STXBP5: variants seen among roughly 807,000 people sequenced by gnomAD.
The protein encoded by STXBP5 is syntaxin binding protein 5.
In STXBP5, 50 loss-of-function variants were observed where a neutral mutation model predicts 152.4. The ratio of observed to expected loss-of-function variants is 0.33; its 90% CI spans 0.26 to 0.42. The LOEUF (loss-of-function observed/expected upper bound fraction) is 0.42, where lower values mean the gene tolerates loss of function less well. Among genes scored for constraint, STXBP5 ranks in the 10% least tolerant of loss-of-function variants. The pLI is 1.00. For synonymous variants in STXBP5, 492 were observed against 494.7 expected, an observed-to-expected ratio of 0.99 and a Z score of 0.07; for missense variants, 1,167 against 1,388.6, an observed-to-expected ratio of 0.84 and a Z score of 2.54.
intron 16 of STXBP5, among the ~76,000 whole-genome samples, chr6:147,317,923 A>G (rs1782723942): frequency 2.0e-5 from 3 of 152,136 alleles, no homozygotes; most frequent in Admixed American, 2.0e-4. Context: ...TGACATACGT[A>G]GTACAATTTG....
intron 25 of STXBP5, among the ~76,000 whole-genome samples, chr6:147,371,376 A>G (rs991115238): frequency 6.6e-6 from 1 of 152,134 alleles, no homozygotes; most frequent in Non-Finnish European, 1.5e-5. Flanking sequence ...ATGTCTGTTC[A>G]TAATGTTAAC....
chr6:147,233,990 G>C (rs1778146669), intron 2 of STXBP5, among the ~76,000 whole-genome samples: 1 of 151,130 alleles, frequency 6.6e-6, no homozygotes, highest in Non-Finnish European at 1.5e-5. Context: ...TTAATTGCTA[G>C]TAATAAATGG....
At chr6:147,308,929 G>A (rs914003222) in intron 9 of STXBP5, among the ~76,000 whole-genome samples, 1 of 152,096 alleles carries the variant, frequency 6.6e-6, no homozygotes, top group Non-Finnish European at 1.5e-5. Flanking sequence ...CTCTTACTAA[G>A]GATGTGCTGA....
chr6:147,233,740 C>G (rs962170982), intron 2 of STXBP5, among the ~76,000 whole-genome samples: 2 of 151,442 alleles, frequency 1.3e-5, no homozygotes, highest in African/African-American at 2.4e-5. Context: ...TGGCCTATCA[C>G]GGTGTGATTT....
At chr6:147,313,836 G>T in intron 11 of STXBP5, 48 bp from the exon 12 acceptor site, 1 of 1,245,532 alleles carries the variant, frequency 8.0e-7, no homozygotes, top group East Asian at 2.6e-5. Flanking sequence ...TAATCATATG[G>T]TATAATTCAT....
chr6:147,286,175 T>G (rs778488896), intron 8 of STXBP5, among the ~76,000 whole-genome samples: 16 of 152,326 alleles, frequency 1.1e-4, no homozygotes, highest in Non-Finnish European at 2.1e-4. Context: ...CTCTCCCACC[T>G]CAACAATCCT....
chr6:147,301,056 G>A (rs1018033685), intron 9 of STXBP5, among the ~76,000 whole-genome samples: 9 of 151,614 alleles, frequency 5.9e-5, no homozygotes, highest in African/African-American at 1.4e-4. Context: ...AGAAATGTTC[G>A]ACATCACTAA....
Position 147,388,399 on chromosome 6 carries a change from A to T in STXBP5, c.*3644A>T, listed in dbSNP as rs1353004914. 1 of 151,712 alleles carries T rather than the reference A, an allele frequency of 6.6e-6. No homozygotes were observed. The highest frequency in any genetic ancestry group is 2.4e-5 in the African/African-American group (1 of 41,418). 9.4% of individuals were successfully genotyped at this position (151,712 alleles called of 1,614,324 possible). On this transcript the variant is annotated 3_prime_UTR_variant, in exon 28 of 28. Coordinates refer to ENST00000321680, the MANE Select transcript of STXBP5 (RefSeq NM_001127715.4). ...TTTCAGATTTGTTTTAAGATCATAC[A>T]GTAACATGTTATATTTATACATACT...
At chr6:147,217,823 T>C (rs751947832) in intron 2 of STXBP5, among the ~76,000 whole-genome samples, 4 of 152,198 alleles carry the variant, frequency 2.6e-5, no homozygotes, top group Non-Finnish European at 5.9e-5. Context: ...ATTTGTAAAA[T>C]GTTACAGTTG....
chr6:147,354,976 G>A (rs1227354418), intron 22 of STXBP5, among the ~76,000 whole-genome samples: 1 of 152,132 alleles, frequency 6.6e-6, no homozygotes, highest in Non-Finnish European at 1.5e-5. Flanking sequence ...ATATTGATAG[G>A]TTCAAACTGC....
chr6:147,367,726 AAG>A (rs1785358360), intron 25 of STXBP5, among the ~76,000 whole-genome samples: 1 of 152,112 alleles, frequency 6.6e-6, no homozygotes, highest in Admixed American at 6.5e-5. Context: ...GTGGAAAACA[AAG>A]AAACAATAGA....
intron 6 of STXBP5, among the ~76,000 whole-genome samples, chr6:147,262,891 A>G: frequency 6.6e-6 from 1 of 151,926 alleles, no homozygotes; most frequent in East Asian, 1.9e-4. Flanking sequence ...GATTATTTAA[A>G]TCTTTTAAAA....
At chr6:147,380,209 C>CAA (rs1409411131) in intron 26 of STXBP5, among the ~76,000 whole-genome samples, 29 of 140,468 alleles carry the variant, frequency 2.1e-4, no homozygotes, top group Non-Finnish European at 4.1e-4. Context: ...CACACACACA[C>CAA]AAATATTGAA....
At chr6:147,264,629 C>T (rs1478436285) in intron 6 of STXBP5, among the ~76,000 whole-genome samples, 1 of 151,984 alleles carries the variant, frequency 6.6e-6, no homozygotes, top group African/African-American at 2.4e-5. Flanking sequence ...CACACTAATG[C>T]TTTTTCAAAG....
chr6:147,217,382 T>TA (rs777767184), intron 2 of STXBP5, among the ~76,000 whole-genome samples: 5 of 152,228 alleles, frequency 3.3e-5, no homozygotes, highest in Non-Finnish European at 7.3e-5. Context: ...TGTTTTTACT[T>TA]ATATGTGAGA....
At chr6:147,269,626 G>A (rs1780058744) in intron 7 of STXBP5, among the ~76,000 whole-genome samples, 1 of 152,084 alleles carries the variant, frequency 6.6e-6, no homozygotes, top group African/African-American at 2.4e-5. Flanking sequence ...GCTTAAGAAG[G>A]TAGATGAAAG....
intron 3 of STXBP5, among the ~76,000 whole-genome samples, chr6:147,237,953 A>G (rs757938119): frequency 1.3e-5 from 2 of 152,158 alleles, no homozygotes; most frequent in Non-Finnish European, 2.9e-5. Context: ...TTGAGGAAAA[A>G]CATTCAGATG....
intron 4 of STXBP5, among the ~76,000 whole-genome samples, chr6:147,252,841 C>T (rs1429830683): frequency 6.6e-6 from 1 of 152,128 alleles, no homozygotes; most frequent in Admixed American, 6.5e-5. Context: ...AAAGAAAGCC[C>T]AGGACCAAAC....
intron 6 of STXBP5, among the ~76,000 whole-genome samples, chr6:147,266,323 T>C (rs1562449419): frequency 1.3e-5 from 2 of 152,086 alleles, no homozygotes; most frequent in Admixed American, 1.3e-4. Context: ...TCTAGAACTC[T>C]TAACTCTAGC....
Sources: gnomAD v4.1 joint callset for allele counts (sites outside exome capture counted in the v4.1 genomes callset) on GRCh38, gnomAD v4.1.1 for gene constraint, MANE v1.5 for transcripts, NCBI Gene and HGNC (gene_info 2026-07-23, HGNC 2026-07-21) for gene names.